Variants in CYP4F11 observed in about 807,000 individuals in gnomAD.
The protein encoded by CYP4F11 is cytochrome P450 family 4 subfamily F member 11.
CYP4F11 carries 79 observed loss-of-function variants against 62.2 expected under a neutral mutation model. The ratio of observed to expected loss-of-function variants is 1.27; its 90% CI spans 1.06 to 1.53. CYP4F11 has a LOEUF of 1.53. CYP4F11 is among the 40% of genes most tolerant of loss of function. CYP4F11 has a pLI of 0.00. For synonymous variants in CYP4F11, 290 were observed against 263.7 expected, an observed-to-expected ratio of 1.10 and a Z score of -0.97; for missense variants, 777 against 680.5, an observed-to-expected ratio of 1.14 and a Z score of -1.58.
chr19:15,913,379 C>T lies in CYP4F11; in HGVS notation c.*353G>A, dbSNP rs981640606. 7.5e-5 allele frequency: 24 copies of T among 322,120 alleles called. No homozygotes were observed. Among genetic ancestry groups the T allele is most frequent in the Admixed American group, 5.9e-4 (13 of 21,988 alleles). 20.0% of individuals were successfully genotyped at this position (322,120 alleles called of 1,614,324 possible). On this transcript the variant is annotated 3_prime_UTR_variant, in exon 12 of 12. Transcript: ENST00000402119. ...CCAGGACAGATGAAGGGATCTGCCC[C>T]TATGGTTGTTTCTCGCTGAATCAGA... is the stretch of plus-strand genomic sequence containing the variant.
At chr19:15,926,400 A>G (rs7249027) in intron 4 of CYP4F11, among the ~76,000 whole-genome samples, 84,362 of 152,052 alleles carry the variant, frequency 0.55, 23,827 homozygotes, top group Non-Finnish European at 0.61. Context: ...TATTAACAAA[A>G]CTAGCTTATC....
chr19:15,934,547 G>A, upstream of CYP4F11: 2 of 1,022,734 alleles, frequency 2.0e-6, no homozygotes, highest in Non-Finnish European at 2.7e-6. Context: ...GTAAACAAGA[G>A]CTGAGATCTA....
In CYP4F11 at chr19:15,924,019, C is replaced by A; in HGVS notation, c.711G>T (p.Gln237His). 1 of 1,614,168 alleles carries A rather than the reference C, an allele frequency of 6.2e-7. No individual in the cohort carries two copies. Among genetic ancestry groups the A allele is most frequent in the South Asian group, 1.1e-5 (1 of 91,080 alleles). The change falls in exon 6 of 12, where the codon CAG (glutamine) becomes CAT (histidine). Residue 237 changes from glutamine (Q) to histidine (H), a missense_variant. Coordinates refer to ENST00000402119, the MANE Select transcript of CYP4F11 (RefSeq NM_021187.4). Reference protein sequence around the residue: ...ELSAFVEKRNQQILLHTDFLY... With the variant: ...ELSAFVEKRNHQILLHTDFLY... ...GGAAGTCCGTGTGCAAGAGAATCTG[C>A]TGGTTTCTCTTTTCTACAAAGGCAC...
chr19:15,916,598 C>T (rs2089585057), intron 8 of CYP4F11, among the ~76,000 whole-genome samples: 1 of 152,014 alleles, frequency 6.6e-6, no homozygotes, highest in Non-Finnish European at 1.5e-5. Flanking sequence ...CAAATAACCC[C>T]ATCAAAAAGT....
rs746834736 is a variant in CYP4F11 at position 15,914,701 on chromosome 19, C to G, written c.1250-35G>C. The G allele has an allele frequency of 1.9e-6, 3 of 1,614,004 alleles. No individual in the cohort carries two copies. The South Asian group carries it at 3.3e-5, about 18-fold the overall frequency. On this transcript the variant is annotated intron_variant, in intron 9 of 11. Coordinates refer to ENST00000402119, the MANE Select transcript of CYP4F11 (RefSeq NM_021187.4). ...AGAAGAGGGCAGTCAGGACAAGGCC[C>G]CCCTGCCTGAGGGACCCCTCTTGCT...
chr19:15,931,514 G>A (rs1360950341), intron 1 of CYP4F11, among the ~76,000 whole-genome samples: 1 of 151,550 alleles, frequency 6.6e-6, no homozygotes, highest in East Asian at 1.9e-4. Flanking sequence ...GAAAGACTTG[G>A]GATGGCACAT....
Position 15,913,650 on chromosome 19 carries a change from G to A in CYP4F11, c.*82C>T. ...CACCAGTCCCCAGGAGCCCCATGCT[G>A]GCTGTCAACGAGGCTCAAGCAGAGG... On this transcript the variant is annotated 3_prime_UTR_variant, in exon 12 of 12. Coordinates refer to ENST00000402119, the MANE Select transcript of CYP4F11 (RefSeq NM_021187.4). 2 of 1,550,902 alleles carry A rather than the reference G, an allele frequency of 1.3e-6. No homozygotes were observed. Among genetic ancestry groups the A allele is most frequent in the South Asian group, 2.3e-5 (2 of 87,868 alleles).
At position 15,914,758 on chromosome 19, in the gene CYP4F11, G is replaced by A. The variant is rs893644186; in HGVS notation, c.1249+4C>T. ...GAGGCTCCTCCCCCTGAGGCTGTGA[G>A]CACCTTTGGGGATGACGCGGCCGTC... On this transcript the variant is annotated splice_donor_region_variant and intron_variant, in intron 9 of 11. Coordinates refer to ENST00000402119, the MANE Select transcript of CYP4F11 (RefSeq NM_021187.4). The A allele has an allele frequency of 6.2e-7, 1 of 1,614,110 alleles. No individual in the cohort carries two copies. Among genetic ancestry groups the A allele is most frequent in the Non-Finnish European group, 8.5e-7 (1 of 1,179,942 alleles).
At position 15,931,632 on chromosome 19, in the gene CYP4F11, ATGAGTGAG is replaced by A. The variant is rs1568257569; in HGVS notation, c.199-2039_199-2032del. ...GAGGAATGAGTGAGCGAGGAGAGGA[ATGAGTGAG>A]CGAGGAGAGGAATGAGTGAGCGAGG... On this transcript the variant is annotated intron_variant, in intron 1 of 11. Coordinates refer to ENST00000402119, the MANE Select transcript of CYP4F11 (RefSeq NM_021187.4). Among the ~76,000 whole-genome samples the A allele has an allele frequency of 3.2e-4, 21 of 64,750 alleles. 2 individuals carry two copies. Among genetic ancestry groups the A allele is most frequent in the Non-Finnish European group, 2.7e-4 (9 of 33,706 alleles). The allele number at this position is 64,750 out of a possible 152,430, so 42.5% of individuals were successfully genotyped here. A position where few individuals can be genotyped will look rare whatever the true frequency, so the allele number is the denominator to read the frequency against.
At chr19:15,926,081 G>A (rs1362443413) in intron 4 of CYP4F11, among the ~76,000 whole-genome samples, 2 of 151,658 alleles carry the variant, frequency 1.3e-5, no homozygotes, top group South Asian at 2.1e-4. Context: ...GGACAATGGC[G>A]TGAACCCGGG....
At chr19:15,927,808 T>G in intron 2 of CYP4F11, 1 of 310,644 alleles carries the variant, frequency 3.2e-6, no homozygotes, top group Non-Finnish European at 5.9e-6. Flanking sequence ...CTCTGTCTAC[T>G]CCCAGCACTC....
In CYP4F11 at chr19:15,912,683, ATAT is replaced by A. The variant is rs2089541076; in HGVS notation, c.*1046_*1048del. 4 of 43,866 alleles carry A rather than the reference ATAT, an allele frequency of 9.1e-5. No individual in the cohort carries two copies. The highest frequency in any genetic ancestry group is 2.5e-4 in the African/African-American group (3 of 11,882). The allele number at this position is 43,866 out of a possible 1,614,324, so 2.7% of individuals were successfully genotyped here. A position where few individuals can be genotyped will look rare whatever the true frequency, so the allele number is the denominator to read the frequency against. On this transcript the variant is annotated 3_prime_UTR_variant, in exon 12 of 12. Coordinates refer to ENST00000402119, the MANE Select transcript of CYP4F11 (RefSeq NM_021187.4). Reference sequence around the variant, plus strand: ...CCATCCTCAGGAAAAAAAAAAAAATATATATATATATATATGTGTGTGTGTGTG... The same window carrying A: ...CCATCCTCAGGAAAAAAAAAAAAATAATATATATATATGTGTGTGTGTGTG...
chr19:15,913,504 T>C lies in CYP4F11; in HGVS notation c.*228A>G. The C allele has an allele frequency of 1.8e-6, 1 of 569,872 alleles. No homozygotes were observed. The allele number at this position is 569,872 out of a possible 1,614,324, so 35.3% of individuals were successfully genotyped here. ...CTGCCCACAGGATAAAGTTTTTACTTGGGCTCTGGGAGAACCCACTAAGGG... is the reference window on the plus strand; with the variant it reads ...CTGCCCACAGGATAAAGTTTTTACTCGGGCTCTGGGAGAACCCACTAAGGG... On this transcript the variant is annotated 3_prime_UTR_variant, in exon 12 of 12. Coordinates refer to ENST00000402119, the MANE Select transcript of CYP4F11 (RefSeq NM_021187.4).
Position 15,913,888 on chromosome 19 carries a change from G to A in CYP4F11, c.1419C>T (p.Phe473=), listed in dbSNP as rs149231661. 1.3e-5 allele frequency: 21 copies of A among 1,613,476 alleles called. No individual in the cohort carries two copies. The African/African-American group carries it at 1.7e-4, about 13-fold the overall frequency. ...GGACCACCTTCATCTCAGCCATGGCGAACGCCTGCCCGATGCAGTTTCTGG... is the reference window on the plus strand; with the variant it reads ...GGACCACCTTCATCTCAGCCATGGCAAACGCCTGCCCGATGCAGTTTCTGG... The part of the protein sequence containing the change: ...AGPRNCIGQA[F]AMAEMKVVLA... Residue 473 remains phenylalanine (F), a synonymous_variant, in exon 12 of 12, where the codon TTC becomes TTT. Coordinates refer to ENST00000402119, the MANE Select transcript of CYP4F11 (RefSeq NM_021187.4).
intron 1 of CYP4F11, among the ~76,000 whole-genome samples, chr19:15,931,273 C>A (rs967883815): frequency 6.6e-6 from 1 of 151,800 alleles, no homozygotes; most frequent in African/African-American, 2.4e-5. Flanking sequence ...TGTGAGAAAG[C>A]AGCAGCACAG....
rs1022630388 is a variant in CYP4F11, at chr19:15,913,584, G to A, written c.*148C>T. The stretch of plus-strand genomic sequence containing the variant: ...CCGTCAGGGTTTTGGGTTCAGAGAC[G>A]TCACCCTGCCTCCACCCACTCACCT... On this transcript the variant is annotated 3_prime_UTR_variant, in exon 12 of 12. Transcript: ENST00000402119. The A allele has an allele frequency of 1.3e-5, 13 of 1,031,348 alleles. No individual in the cohort carries two copies. Among genetic ancestry groups the A allele is most frequent in the East Asian group, 2.6e-5 (1 of 38,196 alleles). 63.9% of individuals were successfully genotyped at this position (1,031,348 alleles called of 1,614,324 possible).
chr19:15,916,749 C>G (rs925933938), intron 8 of CYP4F11, among the ~76,000 whole-genome samples: 2 of 128,190 alleles, frequency 1.6e-5, no homozygotes, highest in Non-Finnish European at 3.5e-5. Context: ...CAAGAATAAC[C>G]ATAACTAAAA....
intron 8 of CYP4F11, among the ~76,000 whole-genome samples, chr19:15,919,260 T>C (rs2089604716): frequency 6.7e-6 from 1 of 148,154 alleles, no homozygotes. Flanking sequence ...TATTAAAATA[T>C]ATAAATATGT....
chr19:15,926,724 G>A (rs931437858), intron 4 of CYP4F11, among the ~76,000 whole-genome samples: 1 of 152,164 alleles, frequency 6.6e-6, no homozygotes, highest in Admixed American at 6.5e-5. Context: ...TCCCAGGTCA[G>A]CCTAAAGCTA....
Sources: allele counts gnomAD v4.1 joint callset (sites outside exome capture counted in the v4.1 genomes callset), GRCh38; gene constraint gnomAD v4.1.1; transcripts MANE v1.5; gene names NCBI Gene and HGNC (gene_info 2026-07-23, HGNC 2026-07-21).